Variants in TCF12 observed in about 807,000 individuals in gnomAD.
The protein encoded by TCF12 is DNA-binding protein HTF4.
TCF12 carries 45 observed loss-of-function variants against 86.0 expected under a neutral mutation model. The ratio of observed to expected loss-of-function variants is 0.52; its 90% CI spans 0.41 to 0.67. The LOEUF (loss-of-function observed/expected upper bound fraction) is 0.67, where lower values mean the gene tolerates loss of function less well. TCF12 is among the 30% of genes least tolerant of loss of function. The probability of loss-of-function intolerance (pLI) is 0.00; values close to 1 mark genes in which losing one functional copy is unlikely to be tolerated. For missense variants in TCF12, 881 were observed against 859.9 expected (o/e 1.02, Z -0.31); for synonymous variants, 330 against 299.6 (o/e 1.10, Z -1.05).
chr15:56,984,698 G>A (rs1023670568), intron 3 of TCF12, among the ~76,000 whole-genome samples: 6 of 152,132 alleles, frequency 3.9e-5, no homozygotes, highest in Non-Finnish European at 7.4e-5. Context: ...ATGTGTGCAA[G>A]GTCTGTGGTT....
intron 1 of TCF12, chr15:56,919,539 G>GA: frequency 5.6e-6 from 1 of 177,376 alleles, no homozygotes; most frequent in East Asian, 1.1e-4. Flanking sequence ...CCCGCTCCTC[G>GA]AGACCCCAGC....
intron 6 of TCF12, among the ~76,000 whole-genome samples, chr15:57,181,220 A>G (rs542616427): frequency 1.9e-3 from 287 of 152,080 alleles, no homozygotes; most frequent in Non-Finnish European, 3.4e-3. Context: ...AGTTCCGACA[A>G]AGTAAGCCTG....
rs546470141 is a variant in TCF12, at chr15:57,123,662, A to AG, written c.325+31772dup. Among the ~76,000 whole-genome samples the AG allele has an allele frequency of 2.5e-4, 38 of 151,956 alleles. 1 individual carries two copies. The South Asian group carries it at 7.7e-3, about 31-fold the overall frequency. On this transcript the variant is annotated intron_variant, in intron 5 of 20. Coordinates refer to ENST00000333725, the MANE Select transcript of TCF12 (RefSeq NM_207037.2). ...ACACTCAGCTAATGTAAAAAAAAAA[A>AG]GTTTTAAGGCCGGGTGCAGTGGCTC...
intron 5 of TCF12, among the ~76,000 whole-genome samples, chr15:57,158,135 T>C (rs1026558035): frequency 4.6e-5 from 7 of 151,998 alleles, no homozygotes; most frequent in African/African-American, 1.2e-4. Context: ...TTGGTGAATG[T>C]TTTGCATCCT....
At chr15:57,277,458 A>G (rs1002836308) in intron 19 of TCF12, among the ~76,000 whole-genome samples, 4 of 151,596 alleles carry the variant, frequency 2.6e-5, no homozygotes, top group Non-Finnish European at 5.9e-5. Context: ...GTGAAACCCC[A>G]TCTCTACTAA....
upstream of TCF12, chr15:56,918,473 G>A (rs1396903909): frequency 9.1e-6 from 3 of 329,322 alleles, no homozygotes; most frequent in African/African-American, 2.3e-5. Context: ...CCCCAACTCC[G>A]TCCCGCCTCA....
At chr15:57,120,330 G>C (rs2051139459) in intron 5 of TCF12, among the ~76,000 whole-genome samples, 1 of 152,166 alleles carries the variant, frequency 6.6e-6, no homozygotes, top group South Asian at 2.1e-4. Context: ...TTTGCTGTTT[G>C]TGTACACTTG....
intron 3 of TCF12, among the ~76,000 whole-genome samples, chr15:57,056,354 C>G (rs929736444): frequency 6.6e-6 from 1 of 152,110 alleles, no homozygotes; most frequent in African/African-American, 2.4e-5. Context: ...GTTGGTCAAT[C>G]TGGTCTCGAA....
intron 16 of TCF12, among the ~76,000 whole-genome samples, chr15:57,254,526 T>G (rs2060256768): frequency 6.6e-6 from 1 of 152,114 alleles, no homozygotes; most frequent in African/African-American, 2.4e-5. Context: ...TTATTGCTAT[T>G]GATAAGCTAA....
At chr15:57,015,060 A>C (rs1055394775) in intron 3 of TCF12, among the ~76,000 whole-genome samples, 4 of 152,074 alleles carry the variant, frequency 2.6e-5, no homozygotes, top group African/African-American at 9.7e-5. Context: ...GATGTGAGGC[A>C]GGCAGATTGC....
intron 3 of TCF12, among the ~76,000 whole-genome samples, chr15:57,030,872 A>G (rs2066132797): frequency 6.6e-6 from 1 of 152,212 alleles, no homozygotes; most frequent in Admixed American, 6.5e-5. Flanking sequence ...GAGTTACTGT[A>G]GTGGGATTTT....
intron 15 of TCF12, among the ~76,000 whole-genome samples, chr15:57,252,927 CTTTTTTT>C (rs57946842): frequency 1.1e-5 from 1 of 89,774 alleles, no homozygotes. Flanking sequence ...ATAGGTTGTA[CTTTTTTT>C]TTTTTTTTTT....
intron 20 of TCF12, among the ~76,000 whole-genome samples, chr15:57,283,718 G>A (rs3095821): frequency 0.58 from 88,515 of 152,100 alleles, 27,660 homozygotes; most frequent in African/African-American, 0.81. Context: ...TTTCGTGGCT[G>A]TCTCATTTTG....
At chr15:57,098,026 A>C (rs866366137) in intron 5 of TCF12, among the ~76,000 whole-genome samples, 1,579 of 149,346 alleles carry the variant, frequency 0.011, 26 homozygotes, top group African/African-American at 0.032. Context: ...AAAAAAAAAA[A>C]AAAAAAAAAC....
At chr15:57,003,781 A>G (rs2064188210) in intron 3 of TCF12, among the ~76,000 whole-genome samples, 1 of 152,234 alleles carries the variant, frequency 6.6e-6, no homozygotes, top group Non-Finnish European at 1.5e-5. Flanking sequence ...ATGAAGATCA[A>G]CTGAATCTAA....
Position 57,013,621 on chromosome 15 carries a change from C to T in TCF12, c.149-50129C>T, listed in dbSNP as rs568608865. 6.4e-4 allele frequency among the ~76,000 whole-genome samples: 97 copies of T among 152,042 alleles called. 1 individual carries two copies. The highest frequency in any genetic ancestry group is 1.1e-3 in the Non-Finnish European group (78 of 68,010). The stretch of plus-strand genomic sequence containing the variant: ...TAGGTGTGAGCCACTGCCTCTGGCC[C>T]AGTTGAAGTGTTTCAAAAGTCCTGT... On this transcript the variant is annotated intron_variant, in intron 3 of 20. Transcript: ENST00000333725.
At chr15:57,220,323 T>C (rs963590025) in intron 8 of TCF12, among the ~76,000 whole-genome samples, 1 of 152,190 alleles carries the variant, frequency 6.6e-6, no homozygotes, top group South Asian at 2.1e-4. Flanking sequence ...AGGATATTCA[T>C]AAAAATAACA....
chr15:57,179,089 C>T (rs564304286), intron 6 of TCF12, among the ~76,000 whole-genome samples: 3 of 151,890 alleles, frequency 2.0e-5, no homozygotes, highest in African/African-American at 4.8e-5. Context: ...TTTCCTATTG[C>T]GACTAATAAT....
intron 3 of TCF12, among the ~76,000 whole-genome samples, chr15:56,957,748 G>T (rs2061560027): frequency 6.6e-6 from 1 of 151,970 alleles, no homozygotes; most frequent in East Asian, 1.9e-4. Context: ...TTTTTTATTG[G>T]ATTCCAGACA....
Sources: gnomAD v4.1 joint callset for allele counts (sites outside exome capture counted in the v4.1 genomes callset) on GRCh38, gnomAD v4.1.1 for gene constraint, MANE v1.5 for transcripts, NCBI Gene and HGNC (gene_info 2026-07-23, HGNC 2026-07-21) for gene names.